The following DPH6 variants were observed in gnomAD, a reference collection of about 807,000 sequenced individuals.
DPH6 encodes the protein diphthine--ammonia ligase.
Under a neutral mutation model 38.2 loss-of-function variants are expected in DPH6, and 33 were observed. The ratio of observed to expected loss-of-function variants is 0.86; its 90% CI spans 0.65 to 1.15. The LOEUF (loss-of-function observed/expected upper bound fraction) is 1.15. Among genes scored for constraint, DPH6 ranks in the 50% most tolerant of loss-of-function variants. The pLI is 0.00. For missense variants in DPH6, 325 were observed against 320.0 expected, an observed-to-expected ratio of 1.02 and a Z score of -0.12; for synonymous variants, 108 against 103.0, an observed-to-expected ratio of 1.05 and a Z score of -0.30.
intron 5 of DPH6, among the ~76,000 whole-genome samples, chr15:35,438,436 G>A (rs751346322): frequency 1.2e-4 from 18 of 152,140 alleles, no homozygotes; most frequent in Non-Finnish European, 2.5e-4. Context: ...CGTTTTCCTC[G>A]TGGAGCCCCA....
At chr15:35,543,798 T>C (rs898317798) in intron 1 of DPH6, among the ~76,000 whole-genome samples, 3 of 152,174 alleles carry the variant, frequency 2.0e-5, no homozygotes, top group African/African-American at 4.8e-5. Flanking sequence ...TCCCCATAAG[T>C]AGGTCTTCCA....
the DPH6 span, among the ~76,000 whole-genome samples, chr15:35,156,419 T>C: frequency 6.6e-6 from 1 of 152,200 alleles, no homozygotes; most frequent in Non-Finnish European, 1.5e-5. Context: ...ATATCTTCTT[T>C]TGCAGTTTAA....
chr15:35,443,793 C>A (rs913793279), intron 5 of DPH6, among the ~76,000 whole-genome samples: 4 of 152,130 alleles, frequency 2.6e-5, no homozygotes, highest in African/African-American at 7.2e-5. Context: ...CTCAGAAGGT[C>A]CTAACTGTGC....
chr15:35,475,410 A>G (rs1207689389), intron 3 of DPH6, among the ~76,000 whole-genome samples: 1 of 152,038 alleles, frequency 6.6e-6, no homozygotes, highest in Non-Finnish European at 1.5e-5. Flanking sequence ...ATCTGAAATC[A>G]TAAAATTGAG....
intron 3 of DPH6, among the ~76,000 whole-genome samples, chr15:35,250,645 A>G (rs1555389293): frequency 6.6e-6 from 1 of 152,222 alleles, no homozygotes; most frequent in Non-Finnish European, 1.5e-5. Context: ...CAAACCATTA[A>G]TTAAGTACCT....
the DPH6 span, among the ~76,000 whole-genome samples, chr15:35,209,763 C>T: frequency 0.033 from 4,950 of 152,208 alleles, 254 homozygotes; most frequent in African/African-American, 0.11. Context: ...CTCAATTGTG[C>T]ACAGCCAATT....
At chr15:35,453,808 C>CTT (rs10626426) in intron 4 of DPH6, among the ~76,000 whole-genome samples, 140,577 of 152,076 alleles carry the variant, frequency 0.92, 64,999 homozygotes, top group East Asian at 1. Context: ...AAAAATGAAA[C>CTT]AAGTGTTCAA....
the DPH6 span, among the ~76,000 whole-genome samples, chr15:35,194,629 T>C: frequency 6.6e-6 from 1 of 152,230 alleles, no homozygotes; most frequent in Non-Finnish European, 1.5e-5. Context: ...ATATTTCAAA[T>C]CAGCTATGTA....
intron 3 of DPH6, among the ~76,000 whole-genome samples, chr15:35,534,971 T>C (rs1301036264): frequency 1.3e-5 from 2 of 152,022 alleles, no homozygotes; most frequent in Non-Finnish European, 2.9e-5. Flanking sequence ...AGGACAAACA[T>C]AGGTTAACAA....
At chr15:35,231,124 T>C (rs886624206) in intron 3 of DPH6, among the ~76,000 whole-genome samples, 1 of 152,204 alleles carries the variant, frequency 6.6e-6, no homozygotes, top group Non-Finnish European at 1.5e-5. Context: ...CTTTCAAGTT[T>C]ATTTGGAGCC....
intron 3 of DPH6, among the ~76,000 whole-genome samples, chr15:35,533,941 T>C (rs187944005): frequency 6.6e-6 from 1 of 151,912 alleles, no homozygotes. Flanking sequence ...AGATGTGAGG[T>C]TGGGAAAATT....
At chr15:35,472,621 C>G (rs377746356) in intron 3 of DPH6, among the ~76,000 whole-genome samples, 8 of 151,746 alleles carry the variant, frequency 5.3e-5, no homozygotes, top group African/African-American at 1.9e-4. Flanking sequence ...GCAAAAAGGC[C>G]CAAGATGAGC....
intron 3 of DPH6, chr15:35,237,186 C>A: frequency 1.5e-6 from 1 of 670,410 alleles, no homozygotes; most frequent in Non-Finnish European, 2.6e-6. Flanking sequence ...AAAGAATGAC[C>A]ATTGAGGTTA....
intron 6 of DPH6, among the ~76,000 whole-genome samples, chr15:35,400,313 T>C (rs1248720293): frequency 6.6e-6 from 1 of 152,090 alleles, no homozygotes; most frequent in Non-Finnish European, 1.5e-5. Flanking sequence ...TATTATAATA[T>C]AAACACTGGA....
At chr15:35,334,425 A>G (rs28558246) in intron 3 of DPH6, among the ~76,000 whole-genome samples, 4,598 of 152,010 alleles carry the variant, frequency 0.03, 237 homozygotes, top group African/African-American at 0.11. Flanking sequence ...TTCAGGGGTA[A>G]ATGTGCAGGA....
intron 6 of DPH6, among the ~76,000 whole-genome samples, chr15:35,394,932 T>C (rs1297813192): frequency 9.9e-5 from 15 of 152,208 alleles, no homozygotes; most frequent in Admixed American, 9.8e-4. Context: ...AAAGTTATGT[T>C]TGACTCTTCG....
At chr15:35,249,737 CTTTT>C (rs1340065164) in intron 3 of DPH6, among the ~76,000 whole-genome samples, 1 of 152,164 alleles carries the variant, frequency 6.6e-6, no homozygotes, top group East Asian at 1.9e-4. Context: ...CTGATAATGT[CTTTT>C]TTGTTATTAC....
intron 3 of DPH6, among the ~76,000 whole-genome samples, chr15:35,262,705 C>CAAAAAAAAAAAAAAAAAAAAAAAAAAA (rs58580024): frequency 2.4e-5 from 2 of 82,632 alleles, no homozygotes; most frequent in African/African-American, 1.3e-4. Flanking sequence ...GACTCCGTCT[C>CAAAAAAAAAAAAAAAAAAAAAAAAAAA]AAAAAAAAAA....
intron 3 of DPH6, chr15:35,298,462 A>G: frequency 1.3e-6 from 1 of 765,032 alleles, no homozygotes; most frequent in Non-Finnish European, 2.4e-6. Context: ...GATATTTTTC[A>G]CGTTCTTCCT....
Sources: gnomAD v4.1 joint callset for allele counts (sites outside exome capture counted in the v4.1 genomes callset) on GRCh38, gnomAD v4.1.1 for gene constraint, MANE v1.5 for transcripts, NCBI Gene and HGNC (gene_info 2026-07-23, HGNC 2026-07-21) for gene names.